The following IDO2 variants were observed in gnomAD, a reference collection of about 807,000 sequenced individuals.
The protein encoded by IDO2 is indoleamine 2,3-dioxygenase 2.
Under a neutral mutation model 45.1 loss-of-function variants are expected in IDO2, and 46 were observed. That is an observed-to-expected ratio of 1.02 (90% confidence interval 0.80 to 1.30). The LOEUF (loss-of-function observed/expected upper bound fraction) is 1.30, where lower values mean the gene tolerates loss of function less well. Among genes scored for constraint, IDO2 ranks in the 50% most tolerant of loss-of-function variants. The pLI, the probability that IDO2 is intolerant of heterozygous loss-of-function variation, is 0.00. For missense variants in IDO2, 544 were observed against 491.8 expected, an observed-to-expected ratio of 1.11 and a Z score of -1.00; for synonymous variants, 218 against 184.9, an observed-to-expected ratio of 1.18 and a Z score of -1.45.
At chr8:39,972,340 G>T (rs1027152863) in intron 3 of IDO2, among the ~76,000 whole-genome samples, 1 of 152,112 alleles carries the variant, frequency 6.6e-6, no homozygotes, top group African/African-American at 2.4e-5. Context: ...ACTGGGTGCC[G>T]AGCGTGGTGG....
At chr8:40,015,183 A>T in intron 10 of IDO2, 64 bp from the exon 11 acceptor site, 1 of 975,446 alleles carries the variant, frequency 1.0e-6, no homozygotes, top group Non-Finnish European at 1.6e-6. Context: ...AAGAAGAAGA[A>T]GCAGACGAGC....
At chr8:40,007,212 T>C (rs1188659674) in intron 9 of IDO2, among the ~76,000 whole-genome samples, 1 of 151,836 alleles carries the variant, frequency 6.6e-6, no homozygotes, top group Non-Finnish European at 1.5e-5. Context: ...ATAGAAATAA[T>C]CTGAAGCTGT....
At chr8:39,941,674 G>T (rs11787388) in intron 1 of IDO2, among the ~76,000 whole-genome samples, 64,085 of 151,916 alleles carry the variant, frequency 0.42, 13,706 homozygotes, top group East Asian at 0.59. Context: ...AGAACACTGA[G>T]ATAGAGAAAT....
intron 3 of IDO2, among the ~76,000 whole-genome samples, chr8:39,972,383 C>A (rs958205620): frequency 6.6e-6 from 1 of 151,880 alleles, no homozygotes; most frequent in Non-Finnish European, 1.5e-5. Context: ...CCGAGGCAGG[C>A]GGATCACTTG....
chr8:39,984,828 G>C, intron 5 of IDO2: 1 of 374,700 alleles, frequency 2.7e-6, no homozygotes, highest in Non-Finnish European at 5.1e-6. Flanking sequence ...GGCAGAACTT[G>C]ATGTAAGGCA....
At chr8:39,959,997 A>T (rs1807968074) in intron 2 of IDO2, among the ~76,000 whole-genome samples, 1 of 152,142 alleles carries the variant, frequency 6.6e-6, no homozygotes, top group Non-Finnish European at 1.5e-5. Flanking sequence ...AATCAATCAG[A>T]GATTGTGAGT....
chr8:39,944,574 A>T (rs1807703562), intron 1 of IDO2, among the ~76,000 whole-genome samples: 1 of 152,166 alleles, frequency 6.6e-6, no homozygotes, highest in Non-Finnish European at 1.5e-5. Flanking sequence ...AACTGGTAAG[A>T]TACTGTGGCA....
At chr8:39,986,010 A>C (rs1195432797) in intron 6 of IDO2, 1 of 153,912 alleles carries the variant, frequency 6.5e-6, no homozygotes, top group African/African-American at 2.4e-5. Flanking sequence ...TTGTATTTTT[A>C]GTTGAGACAG....
intron 2 of IDO2, among the ~76,000 whole-genome samples, chr8:39,959,327 G>A (rs1440631065): frequency 6.6e-6 from 1 of 151,560 alleles, no homozygotes; most frequent in East Asian, 2.0e-4. Flanking sequence ...TGTTAGCCAG[G>A]ATGGTCTTGA....
chr8:39,959,217 C>G (rs1290716744), intron 2 of IDO2, among the ~76,000 whole-genome samples: 2 of 151,722 alleles, frequency 1.3e-5, no homozygotes, highest in Non-Finnish European at 2.9e-5. Context: ...AGGCCATTCT[C>G]CTGCCTTAGC....
intron 3 of IDO2, among the ~76,000 whole-genome samples, chr8:39,965,124 G>A (rs1808065763): frequency 6.6e-6 from 1 of 152,202 alleles, no homozygotes; most frequent in Middle Eastern, 3.2e-3. Flanking sequence ...GCACAGCATT[G>A]AAACCAGTCC....
intron 10 of IDO2, among the ~76,000 whole-genome samples, 176 bp from the exon 11 acceptor site, chr8:40,015,071 A>T (rs1372581613): frequency 6.6e-6 from 1 of 152,084 alleles, no homozygotes; most frequent in African/African-American, 2.4e-5. Context: ...TGGGAGGATC[A>T]CTTGAACTCA....
At chr8:39,962,638 G>C (rs1808016931) in intron 2 of IDO2, among the ~76,000 whole-genome samples, 1 of 152,100 alleles carries the variant, frequency 6.6e-6, no homozygotes, top group African/African-American at 2.4e-5. Context: ...CAAAAGGGGA[G>C]TTCTCTGCAA....
At chr8:39,953,905 C>T (rs1807849303) in intron 2 of IDO2, among the ~76,000 whole-genome samples, 1 of 152,202 alleles carries the variant, frequency 6.6e-6, no homozygotes, top group Admixed American at 6.5e-5. Context: ...ACCATTTGTA[C>T]AAAAATTCCC....
chr8:39,952,117 G>C (rs777797465), intron 2 of IDO2, among the ~76,000 whole-genome samples: 4 of 152,160 alleles, frequency 2.6e-5, no homozygotes, highest in Non-Finnish European at 5.9e-5. Context: ...CTCCCTTTCT[G>C]GGAAGAGGTA....
Position 39,957,573 on chromosome 8 carries a change from C to T in IDO2, c.100-6035C>T, listed in dbSNP as rs531071269. 2.8e-4 allele frequency among the ~76,000 whole-genome samples: 43 copies of T among 152,310 alleles called. No homozygotes were observed. The East Asian group carries it at 8.3e-3, about 29-fold the overall frequency. ...GCTGCAATAAGCTATATTTGTACCA[C>T]TACACTCCAGTGTGGGTGACAGAGT... On this transcript the variant is annotated intron_variant, in intron 2 of 10. Transcript: ENST00000502986.
intron 1 of IDO2, among the ~76,000 whole-genome samples, chr8:39,937,582 G>A (rs948902820): frequency 2.0e-5 from 3 of 150,674 alleles, no homozygotes; most frequent in Admixed American, 6.6e-5. Context: ...GTGCAGTGGT[G>A]TGATCCTAGC....
intron 3 of IDO2, among the ~76,000 whole-genome samples, chr8:39,976,223 C>T (rs543976985): frequency 1.6e-4 from 25 of 152,152 alleles, no homozygotes; most frequent in African/African-American, 5.3e-4. Flanking sequence ...GTGATCTGCC[C>T]GTCTCAGCCT....
intron 4 of IDO2, among the ~76,000 whole-genome samples, chr8:39,982,290 A>T (rs1054083062): frequency 6.6e-6 from 1 of 151,060 alleles, no homozygotes; most frequent in African/African-American, 2.4e-5. Context: ...CTACTTACCT[A>T]TCTATCAAAA....
Sources: allele counts gnomAD v4.1 joint callset (sites outside exome capture counted in the v4.1 genomes callset), GRCh38; gene constraint gnomAD v4.1.1; transcripts MANE v1.5; gene names NCBI Gene and HGNC (gene_info 2026-07-23, HGNC 2026-07-21).